The following IMPACT variants were observed in gnomAD, a reference collection of about 807,000 sequenced individuals.
IMPACT encodes impact RWD domain protein, also known as protein IMPACT.
Under a neutral mutation model 47.5 loss-of-function variants are expected in IMPACT, and 35 were observed. The ratio of observed to expected loss-of-function variants is 0.74; its 90% CI spans 0.56 to 0.98. The LOEUF is 0.98. Among genes scored for constraint, IMPACT ranks in the 50% least tolerant of loss-of-function variants. The pLI is 0.00. For synonymous variants in IMPACT, 118 were observed against 125.6 expected (o/e 0.94, Z 0.40); for missense variants, 373 against 394.8 (o/e 0.94, Z 0.47).
rs948176863 is a variant in IMPACT, at chr18:24,453,193, A to G, written c.*2346A>G. ...GCATCAAAAGTATGCTTTGAGGTAT[A>G]TATAGTGAAACAGAGCCTTTCTGAA... On this transcript the variant is annotated 3_prime_UTR_variant, in exon 11 of 11. Transcript: ENST00000284202. The G allele has an allele frequency of 2.0e-5, 3 of 152,254 alleles. No individual in the cohort carries two copies. 9.4% of individuals were successfully genotyped at this position (152,254 alleles called of 1,614,324 possible).
At chr18:24,427,681 G>A (rs893929849) in intron 1 of IMPACT, 4 of 467,580 alleles carry the variant, frequency 8.6e-6, no homozygotes, top group Non-Finnish European at 1.1e-5. Context: ...CTCAATAGTG[G>A]CCAAAAGCAC....
intron 5 of IMPACT, chr18:24,439,673 G>T (rs1030878944): frequency 1.3e-5 from 2 of 151,512 alleles, no homozygotes; most frequent in South Asian, 2.1e-4. Context: ...TTAGCCAGGC[G>T]TGGTGGTACG....
intron 1 of IMPACT, 146 bp from the exon 2 acceptor site, chr18:24,427,773 C>CT: frequency 1.4e-6 from 1 of 690,598 alleles, no homozygotes; most frequent in Non-Finnish European, 2.3e-6. Context: ...GTGACCTGCT[C>CT]TTAAGAAACT....
chr18:24,429,782 ATT>A (rs34666741), intron 3 of IMPACT, among the ~76,000 whole-genome samples: 16 of 145,166 alleles, frequency 1.1e-4, no homozygotes, highest in Non-Finnish European at 9.1e-5. Context: ...CTTTTAAGAA[ATT>A]TTTTTTTTTT....
intron 5 of IMPACT, 61 bp downstream of exon 5, chr18:24,438,101 A>T: frequency 1.3e-6 from 1 of 746,370 alleles, no homozygotes; most frequent in Middle Eastern, 3.3e-4. Flanking sequence ...TTTTATGTAG[A>T]TACTCTAGTT....
At chr18:24,431,943 C>G (rs956489651) in intron 4 of IMPACT, among the ~76,000 whole-genome samples, 1 of 152,126 alleles carries the variant, frequency 6.6e-6, no homozygotes, top group Non-Finnish European at 1.5e-5. Context: ...CTTAAATGAT[C>G]CACCCACCTT....
chr18:24,448,977 A>G (rs1181380058), intron 9 of IMPACT, among the ~76,000 whole-genome samples: 2 of 152,176 alleles, frequency 1.3e-5, no homozygotes, highest in African/African-American at 4.8e-5. Flanking sequence ...TTTTCTAACA[A>G]GGCCTTTCCC....
chr18:24,433,437 G>C (rs1472662512), intron 4 of IMPACT, among the ~76,000 whole-genome samples: 1 of 147,882 alleles, frequency 6.8e-6, no homozygotes, highest in Non-Finnish European at 1.5e-5. Flanking sequence ...CTGACCTCAT[G>C]ATCCACCCGC....
intron 2 of IMPACT, 101 bp from the exon 3 acceptor site, chr18:24,428,768 C>T (rs916588198): frequency 1.2e-6 from 1 of 806,736 alleles, no homozygotes; most frequent in African/African-American, 1.8e-5. Context: ...CCTTTCATCT[C>T]TGTCCTCCTT....
chr18:24,445,525 G>A (rs1042395698), intron 8 of IMPACT, 59 bp downstream of exon 8: 12 of 957,798 alleles, frequency 1.3e-5, no homozygotes, highest in South Asian at 1.7e-5. Context: ...GGGAAATGAT[G>A]CATGATTTTA....
At chr18:24,430,193 A>G in intron 3 of IMPACT, 129 bp from the exon 4 acceptor site, 1 of 552,920 alleles carries the variant, frequency 1.8e-6, no homozygotes, top group Non-Finnish European at 3.1e-6. Flanking sequence ...ATATAGATTT[A>G]TACAAATATA....
chr18:24,427,346 C>T (rs1908637195), intron 1 of IMPACT: 1 of 153,426 alleles, frequency 6.5e-6, no homozygotes. Flanking sequence ...CCTTTAGGTC[C>T]TCCAGTTATT....
In IMPACT at chr18:24,427,945, C is replaced by T. The variant is rs1195780245; in HGVS notation, c.63C>T (p.Ala21=). 3.8e-5 allele frequency: 61 copies of T among 1,595,590 alleles called. No homozygotes were observed. Among genetic ancestry groups the T allele is most frequent in the Non-Finnish European group, 5.2e-5 (61 of 1,174,850 alleles). ...ATGAGGAAATTGAAGCAATGGCAGC[C>T]ATTTATGGCGAGGAGTGGTGTGTCA... The part of the protein sequence containing the change: ...RQNEEIEAMA[A]IYGEEWCVID... The change falls in exon 2 of 11, where the codon GCC becomes GCT. Residue 21 remains alanine (A), a synonymous_variant. Coordinates refer to ENST00000284202, the MANE Select transcript of IMPACT (RefSeq NM_018439.4).
intron 5 of IMPACT, 125 bp from the exon 6 acceptor site, chr18:24,440,371 A>T: frequency 1.1e-6 from 1 of 918,940 alleles, no homozygotes; most frequent in Non-Finnish European, 1.6e-6. Flanking sequence ...CAGTTCTCCT[A>T]CGGGCTGAGT....
At chr18:24,428,735 G>C (rs1402993721) in intron 2 of IMPACT, 134 bp from the exon 3 acceptor site, 3 of 602,792 alleles carry the variant, frequency 5.0e-6, no homozygotes, top group African/African-American at 3.8e-5. Flanking sequence ...AGGGTATAAT[G>C]TCCATATTTC....
intron 4 of IMPACT, among the ~76,000 whole-genome samples, chr18:24,437,512 T>TC (rs1908979092): frequency 6.6e-6 from 1 of 152,222 alleles, no homozygotes; most frequent in African/African-American, 2.4e-5. Context: ...TGCTTTACAT[T>TC]CTTTCTTGTT....
chr18:24,431,038 G>A (rs1053108337), intron 4 of IMPACT, among the ~76,000 whole-genome samples: 5 of 152,138 alleles, frequency 3.3e-5, no homozygotes, highest in Non-Finnish European at 7.3e-5. Flanking sequence ...TAGATCCTGG[G>A]TGCAGGTATG....
At chr18:24,450,718 G>T in intron 10 of IMPACT, 61 bp from the exon 11 acceptor site, 1 of 1,023,106 alleles carries the variant, frequency 9.8e-7, no homozygotes, top group Non-Finnish European at 1.5e-6. Flanking sequence ...TAAGTGATTA[G>T]ATTGAAGATT....
In IMPACT at chr18:24,428,910, C is replaced by T. The variant is rs775652103; in HGVS notation, c.207C>T (p.Ile69=). ...AATACCCAGGTACAGCTCCACCTAT[C>T]TACCAGTTGAAGTAAGCTGTATTTC... is the stretch of plus-strand genomic sequence containing the variant. ...PNEYPGTAPP[I]YQLNAPWLKG... The change falls in exon 3 of 11, where the codon ATC becomes ATT. Residue 69 remains isoleucine, a synonymous_variant. Transcript: ENST00000284202. The T allele has an allele frequency of 1.9e-6, 3 of 1,609,674 alleles. No homozygotes were observed. Among genetic ancestry groups the T allele is most frequent in the Non-Finnish European group, 2.5e-6 (3 of 1,176,994 alleles).
Sources: allele counts gnomAD v4.1 joint callset (sites outside exome capture counted in the v4.1 genomes callset), GRCh38; gene constraint gnomAD v4.1.1; transcripts MANE v1.5; gene names NCBI Gene and HGNC (gene_info 2026-07-23, HGNC 2026-07-21).